Variants in MIB1 observed in about 807,000 individuals in gnomAD.
The protein encoded by MIB1 is MIB E3 ubiquitin protein ligase 1, also known as E3 ubiquitin-protein ligase MIB1.
Under a neutral mutation model 124.5 loss-of-function variants are expected in MIB1, and 278 were observed. The ratio of observed to expected loss-of-function variants is 2.23; its 90% CI spans 2.02 to 2.47. MIB1 has a LOEUF of 2.47. Among genes scored for constraint, MIB1 ranks in the 30% most tolerant of loss-of-function variants. The pLI is 0.00. For missense variants in MIB1, 957 were observed against 1,254.4 expected, an observed-to-expected ratio of 0.76 and a Z score of 3.58; for synonymous variants, 446 against 429.4, an observed-to-expected ratio of 1.04 and a Z score of -0.48.
intron 13 of MIB1, among the ~76,000 whole-genome samples, 155 bp downstream of exon 13, chr18:21,838,652 T>C (rs1226574216): frequency 1.3e-5 from 2 of 152,210 alleles, no homozygotes; most frequent in Non-Finnish European, 2.9e-5. Context: ...GCATATTCTG[T>C]CTTCTGCCTA....
intron 7 of MIB1, among the ~76,000 whole-genome samples, chr18:21,792,668 G>A (rs551037138): frequency 2.0e-5 from 3 of 152,350 alleles, no homozygotes; most frequent in South Asian, 4.1e-4. Context: ...ACACTTCACA[G>A]TTTGTAGCTG....
intron 12 of MIB1, chr18:21,825,463 A>C (rs2041916125): frequency 7.0e-6 from 2 of 284,998 alleles, no homozygotes; most frequent in South Asian, 5.6e-5. Flanking sequence ...GAAGGATAAG[A>C]AATTTAATAC....
Position 21,865,574 on chromosome 18 carries a change from CCTCT to C in MIB1, c.*909_*912del, listed in dbSNP as rs1423546930. On this transcript the variant is annotated 3_prime_UTR_variant, in exon 21 of 21. Transcript: ENST00000261537. ...GTGAAATGACATTGCCCTATTTGGACCTCTGAGGTTCTATTTAGCTTTGCAGATG... is the reference window on the plus strand; with the variant it reads ...GTGAAATGACATTGCCCTATTTGGACGAGGTTCTATTTAGCTTTGCAGATG... 6 of 152,558 alleles carry C rather than the reference CCTCT, an allele frequency of 3.9e-5. No homozygotes were observed. The highest frequency in any genetic ancestry group is 1.3e-4 in the Admixed American group (2 of 15,272). The allele number at this position is 152,558 out of a possible 1,614,324, so 9.5% of individuals were successfully genotyped here.
chr18:21,734,263 C>T (rs868724946), intron 1 of MIB1, among the ~76,000 whole-genome samples: 3 of 151,798 alleles, frequency 2.0e-5, no homozygotes, highest in Admixed American at 1.3e-4. Context: ...CCCGCCACCA[C>T]GCCCGGCTAT....
intron 7 of MIB1, among the ~76,000 whole-genome samples, chr18:21,793,456 G>A (rs2041530683): frequency 6.6e-6 from 1 of 152,128 alleles, no homozygotes; most frequent in Admixed American, 6.6e-5. Flanking sequence ...TTGAAAAAAG[G>A]GAATAAGGAA....
intron 6 of MIB1, among the ~76,000 whole-genome samples, chr18:21,782,576 G>T (rs1350340096): frequency 6.6e-6 from 1 of 151,712 alleles, no homozygotes; most frequent in Non-Finnish European, 1.5e-5. Context: ...CGCTTTCATT[G>T]TTCAGGATAA....
chr18:21,783,427 GA>G (rs1431413749), intron 6 of MIB1, among the ~76,000 whole-genome samples: 1 of 151,978 alleles, frequency 6.6e-6, no homozygotes, highest in African/African-American at 2.4e-5. Context: ...ATTTTTAGTA[GA>G]GATGGGGTTT....
Position 21,864,820 on chromosome 18 carries a change from C to A in MIB1, c.*154C>A. On this transcript the variant is annotated 3_prime_UTR_variant, in exon 21 of 21. Coordinates refer to ENST00000261537, the MANE Select transcript of MIB1 (RefSeq NM_020774.4). Reference sequence around the variant, plus strand: ...GCTGTAAATGTACCAGAACAAAAAACCCTACAAAATGGTGTTGGAAATTGT... The same window carrying A: ...GCTGTAAATGTACCAGAACAAAAAAACCTACAAAATGGTGTTGGAAATTGT... 6.2e-6 allele frequency: 3 copies of A among 484,434 alleles called. No individual in the cohort carries two copies. Among genetic ancestry groups the A allele is most frequent in the Non-Finnish European group, 1.1e-5 (3 of 284,554 alleles). 30.0% of individuals were successfully genotyped at this position (484,434 alleles called of 1,614,324 possible).
chr18:21,821,583 G>T (rs1448672251), intron 12 of MIB1, among the ~76,000 whole-genome samples: 2 of 150,358 alleles, frequency 1.3e-5, no homozygotes, highest in Non-Finnish European at 3.0e-5. Flanking sequence ...TGTTCTGTGT[G>T]TGTTTTTTTT....
At chr18:21,860,619 G>A (rs1023092344) in intron 20 of MIB1, among the ~76,000 whole-genome samples, 5 of 152,072 alleles carry the variant, frequency 3.3e-5, no homozygotes, top group Admixed American at 6.5e-5. Context: ...GGCCAATCAC[G>A]TCAGTATTGC....
chr18:21,710,989 G>A (rs1477769489), intron 1 of MIB1, among the ~76,000 whole-genome samples: 2 of 152,054 alleles, frequency 1.3e-5, no homozygotes, highest in Non-Finnish European at 2.9e-5. Flanking sequence ...ACCATACCCA[G>A]ATAATTTTTG....
chr18:21,736,364 C>T (rs1386757910), upstream of MIB1, among the ~76,000 whole-genome samples: 1 of 152,180 alleles, frequency 6.6e-6, no homozygotes, highest in African/African-American at 2.4e-5. Context: ...CCGAAGGTCA[C>T]CAACATCAAA....
At chr18:21,832,681 T>C (rs2041994767) in intron 12 of MIB1, among the ~76,000 whole-genome samples, 1 of 152,224 alleles carries the variant, frequency 6.6e-6, no homozygotes, top group Non-Finnish European at 1.5e-5. Context: ...TTGTTGTCTT[T>C]AGCATTTAAT....
chr18:21,741,391 A>C lies in MIB1; in HGVS notation c.-193A>C. The C allele has an allele frequency of 8.8e-6, 2 of 227,862 alleles. No individual in the cohort carries two copies. The highest frequency in any genetic ancestry group is 1.7e-5 in the Non-Finnish European group (2 of 120,788). The allele number at this position is 227,862 out of a possible 1,614,324, so 14.1% of individuals were successfully genotyped here. On this transcript the variant is annotated 5_prime_UTR_variant, in exon 1 of 21. Coordinates refer to ENST00000261537, the MANE Select transcript of MIB1 (RefSeq NM_020774.4). This position sits in a 1 kb window ranked among gnomAD's most constrained non-coding sequence, Gnocchi z 5.4. ...ACTCCGAGCGGGGGGCGCGGCGGCG[A>C]CAGCTGGGCAGCGGCTTTGGGCTCC...
chr18:21,711,029 G>A (rs945609230), intron 1 of MIB1, among the ~76,000 whole-genome samples: 3 of 151,772 alleles, frequency 2.0e-5, no homozygotes, highest in African/African-American at 7.3e-5. Context: ...GTTTCACCAT[G>A]TTGGCCAGGC....
intron 1 of MIB1, among the ~76,000 whole-genome samples, chr18:21,735,050 T>G (rs930759372): frequency 2.0e-5 from 3 of 152,232 alleles, no homozygotes; most frequent in African/African-American, 7.2e-5. Flanking sequence ...CTGGATCATA[T>G]GGCAGTGTAT....
intron 4 of MIB1, among the ~76,000 whole-genome samples, chr18:21,777,664 C>T (rs2041307023): frequency 1.3e-5 from 2 of 152,092 alleles, no homozygotes; most frequent in African/African-American, 4.8e-5. Context: ...AAGCGATTCT[C>T]CTGCCTCCAC....
intron 1 of MIB1, among the ~76,000 whole-genome samples, chr18:21,706,698 G>C (rs2040638527): frequency 6.6e-6 from 1 of 152,162 alleles, no homozygotes; most frequent in Admixed American, 6.5e-5. Context: ...TCCACCAGCA[G>C]TGCCAGCCCG....
chr18:21,868,651 CCTCA>C lies in MIB1; in HGVS notation c.*3986_*3989del, dbSNP rs1209769126. The C allele has an allele frequency of 6.6e-6, 1 of 152,242 alleles. No homozygotes were observed. The highest frequency in any genetic ancestry group is 2.4e-5 in the African/African-American group (1 of 41,368). The allele number at this position is 152,242 out of a possible 1,614,324, so 9.4% of individuals were successfully genotyped here. A position where few individuals can be genotyped will look rare whatever the true frequency, so the allele number is the denominator to read the frequency against. ...TGTAAAAGTTTCAAAATATGTTTTCCCTCAAAAAGGCAACGTTACTTCATTTGCT... is the reference window on the plus strand; with the variant it reads ...TGTAAAAGTTTCAAAATATGTTTTCCAAAAGGCAACGTTACTTCATTTGCT... On this transcript the variant is annotated 3_prime_UTR_variant, in exon 21 of 21. Coordinates refer to ENST00000261537, the MANE Select transcript of MIB1 (RefSeq NM_020774.4).
Sources: gnomAD v4.1 joint callset for allele counts (sites outside exome capture counted in the v4.1 genomes callset) on GRCh38, gnomAD v4.1.1 for gene constraint, Gnocchi (gnomAD v3.1) non-coding constraint, MANE v1.5 for transcripts, NCBI Gene and HGNC (gene_info 2026-07-23, HGNC 2026-07-21) for gene names.